The following CDH10 variants were observed in gnomAD, a reference collection of about 807,000 sequenced individuals.
CDH10 encodes cadherin-10.
CDH10 carries 30 observed loss-of-function variants against 73.1 expected under a neutral mutation model. The ratio of observed to expected loss-of-function variants is 0.41; its 90% CI spans 0.31 to 0.56. CDH10 has a LOEUF of 0.56. CDH10 is among the 20% of genes least tolerant of loss of function. CDH10 has a pLI of 0.27. For synonymous variants in CDH10, 345 were observed against 348.2 expected, an observed-to-expected ratio of 0.99 and a Z score of 0.10; for missense variants, 815 against 973.7, an observed-to-expected ratio of 0.84 and a Z score of 2.17.
chr5:24,547,413 C>T (rs1013649908), intron 2 of CDH10, among the ~76,000 whole-genome samples: 3 of 152,042 alleles, frequency 2.0e-5, no homozygotes, highest in South Asian at 2.1e-4. Context: ...TGCTTTTTCC[C>T]GAGGGAATTT....
chr5:24,549,014 A>G (rs1744448989), intron 2 of CDH10, among the ~76,000 whole-genome samples: 1 of 152,172 alleles, frequency 6.6e-6, no homozygotes, highest in Admixed American at 6.5e-5. Flanking sequence ...CTGAAACTGA[A>G]AATACAATAT....
rs780312750 is a variant in CDH10, at chr5:24,487,654, T to A, written c.*9A>T. ...CTTTCTCTTGTTTGAACAGAACATA[T>A]ATCCTACGTTAAGAGTCTTTGTCAC... On this transcript the variant is annotated 3_prime_UTR_variant, in exon 12 of 12. Coordinates refer to ENST00000264463, the MANE Select transcript of CDH10 (RefSeq NM_006727.5). 1 of 1,604,414 alleles carries A rather than the reference T, an allele frequency of 6.2e-7. No homozygotes were observed. The highest frequency in any genetic ancestry group is 8.5e-7 in the Non-Finnish European group (1 of 1,174,986).
In CDH10 at chr5:24,548,852, T is replaced by C. The variant is rs970333263; in HGVS notation, c.232-11178A>G. 2.0e-5 allele frequency among the ~76,000 whole-genome samples: 3 copies of C among 151,998 alleles called. No individual in the cohort carries two copies. The East Asian group carries it at 5.8e-4, about 29-fold the overall frequency. ...AAAAAGCACAATTAGGGGATTAATATACAAGAATAAAAGTAGAGATAGAGA... is the reference window on the plus strand; with the variant it reads ...AAAAAGCACAATTAGGGGATTAATACACAAGAATAAAAGTAGAGATAGAGA... On this transcript the variant is annotated intron_variant, in intron 2 of 11. Transcript: ENST00000264463.
In CDH10 at chr5:24,635,764, C is replaced by T. The variant is rs376719127; in HGVS notation, c.-124+8830G>A. ...ATATTTATAAAAGTTTTATATTGAG[C>T]CCTTTCCAATTACAATCATAGACTT... On this transcript the variant is annotated intron_variant, in intron 1 of 11. Transcript: ENST00000264463. Among the ~76,000 whole-genome samples the T allele has an allele frequency of 1.4e-4, 21 of 151,872 alleles. No individual in the cohort carries two copies. In the East Asian group the frequency reaches 2.7e-3, roughly 20 times the overall value.
chr5:24,518,874 G>C (rs1743205811), intron 5 of CDH10, among the ~76,000 whole-genome samples: 1 of 92,542 alleles, frequency 1.1e-5, no homozygotes, highest in Non-Finnish European at 2.3e-5. Flanking sequence ...TTGATTTTTT[G>C]ACATGTGCAC....
intron 1 of CDH10, among the ~76,000 whole-genome samples, chr5:24,643,182 G>C (rs12520187): frequency 0.48 from 72,652 of 151,754 alleles, 20,735 homozygotes; most frequent in Non-Finnish European, 0.63. Context: ...TACACTCGGG[G>C]GAGCGGGGTG....
chr5:24,631,908 C>T (rs1747716328), intron 1 of CDH10, among the ~76,000 whole-genome samples: 1 of 151,862 alleles, frequency 6.6e-6, no homozygotes, highest in African/African-American at 2.4e-5. Flanking sequence ...TTTTTAAATA[C>T]AGATAGAATT....
intron 5 of CDH10, among the ~76,000 whole-genome samples, chr5:24,520,203 A>G (rs1024833732): frequency 1.3e-5 from 2 of 152,236 alleles, no homozygotes. Context: ...TTGTAAAATG[A>G]AAAAAAGGAA....
chr5:24,530,490 G>T (rs1347141638), intron 5 of CDH10, among the ~76,000 whole-genome samples: 1 of 151,602 alleles, frequency 6.6e-6, no homozygotes, highest in Non-Finnish European at 1.5e-5. Context: ...AAGGAAAAGG[G>T]GTAAACAGGA....
intron 1 of CDH10, among the ~76,000 whole-genome samples, chr5:24,635,287 T>C (rs1263377087): frequency 6.6e-6 from 1 of 152,060 alleles, no homozygotes; most frequent in African/African-American, 2.4e-5. Context: ...CCATTCTTTT[T>C]CTAATTCTCA....
intron 5 of CDH10, among the ~76,000 whole-genome samples, chr5:24,532,499 T>C (rs1412143891): frequency 6.6e-6 from 1 of 152,054 alleles, no homozygotes; most frequent in Non-Finnish European, 1.5e-5. Flanking sequence ...ACAGGATGAC[T>C]GCAGGGCCTG....
At chr5:24,541,862 T>A (rs921373121) in intron 2 of CDH10, among the ~76,000 whole-genome samples, 2 of 152,068 alleles carry the variant, frequency 1.3e-5, no homozygotes, top group African/African-American at 4.8e-5. Context: ...GCAAGATACA[T>A]GACAACTAAT....
At chr5:24,500,075 A>G (rs1742435561) in intron 8 of CDH10, among the ~76,000 whole-genome samples, 2 of 152,218 alleles carry the variant, frequency 1.3e-5, no homozygotes, top group East Asian at 1.9e-4. Context: ...TGGGCTGTGG[A>G]TATCATTTTG....
intron 8 of CDH10, among the ~76,000 whole-genome samples, chr5:24,502,096 AT>A (rs1404325325): frequency 1.4e-4 from 21 of 150,370 alleles, no homozygotes; most frequent in African/African-American, 4.4e-4. Flanking sequence ...ATTTTTTTGT[AT>A]TTTTTTAGTA....
Position 24,487,563 on chromosome 5 carries a change from C to A in CDH10, c.*100G>T. The A allele has an allele frequency of 8.4e-7, 1 of 1,193,592 alleles. No individual in the cohort carries two copies. Among genetic ancestry groups the A allele is most frequent in the Non-Finnish European group, 1.2e-6 (1 of 844,970 alleles). The allele number at this position is 1,193,592 out of a possible 1,614,324, so 73.9% of individuals were successfully genotyped here. A position where few individuals can be genotyped will look rare whatever the true frequency, so the allele number is the denominator to read the frequency against. On this transcript the variant is annotated 3_prime_UTR_variant, in exon 12 of 12. Coordinates refer to ENST00000264463, the MANE Select transcript of CDH10 (RefSeq NM_006727.5). ...GAAGTAAATGAGAAAAAAAATTGTG[C>A]TGACTGGCAGGAAAATGCTCCTGAA...
chr5:24,636,511 G>C (rs947224286), intron 1 of CDH10, among the ~76,000 whole-genome samples: 1 of 151,946 alleles, frequency 6.6e-6, no homozygotes, highest in African/African-American at 2.4e-5. Flanking sequence ...TTTTCACAGT[G>C]ACCAAGTTTT....
Position 24,511,354 on chromosome 5 carries a change from T to C in CDH10, c.975A>G (p.Thr325=). The C allele has an allele frequency of 3.1e-6, 5 of 1,611,978 alleles. No individual in the cohort carries two copies. The change falls in exon 6 of 12, where the codon ACA becomes ACG. Residue 325 remains threonine (T), a synonymous_variant. Coordinates refer to ENST00000264463, the MANE Select transcript of CDH10 (RefSeq NM_006727.5). ...DMFDIVTEKD[T]QEGIITVKKP... ...TTTTCACAGTGATGATGCCTTCCTG[T>C]GTGTCCTTCTCAGTCACGATGTCAA... is the stretch of plus-strand genomic sequence containing the variant.
chr5:24,553,658 C>T (rs1019582167), intron 2 of CDH10, among the ~76,000 whole-genome samples: 10 of 152,168 alleles, frequency 6.6e-5, no homozygotes, highest in African/African-American at 1.2e-4. Flanking sequence ...ATGTTTTCCA[C>T]GGGTGGCTAC....
intron 1 of CDH10, among the ~76,000 whole-genome samples, chr5:24,629,608 G>A (rs540281585): frequency 6.6e-6 from 1 of 152,188 alleles, no homozygotes; most frequent in East Asian, 1.9e-4. Context: ...GGCCTGGTGG[G>A]AGGTGACTGG....
Sources: gnomAD v4.1 joint callset for allele counts (sites outside exome capture counted in the v4.1 genomes callset) on GRCh38, gnomAD v4.1.1 for gene constraint, MANE v1.5 for transcripts, NCBI Gene and HGNC (gene_info 2026-07-23, HGNC 2026-07-21) for gene names.